Variants in PCDH15 observed in about 807,000 individuals in gnomAD.
PCDH15 encodes protocadherin related 15.
Under a neutral mutation model 178.5 loss-of-function variants are expected in PCDH15, and 129 were observed. The observed-to-expected ratio is 0.72, with a 90% CI of 0.63 to 0.84. The LOEUF (loss-of-function observed/expected upper bound fraction) is 0.84. Ranked by LOEUF, PCDH15 falls within the 40% of genes least tolerant of loss-of-function variation. The pLI, the probability that PCDH15 is intolerant of heterozygous loss-of-function variation, is 0.00. For missense variants in PCDH15, 2,230 were observed against 2,099.9 expected (o/e 1.06, Z -1.21); for synonymous variants, 800 against 732.0 (o/e 1.09, Z -1.50).
chr10:54,358,631 T>C (rs1945454043), intron 5 of PCDH15, among the ~76,000 whole-genome samples: 1 of 151,906 alleles, frequency 6.6e-6, no homozygotes, highest in African/African-American at 2.4e-5. Flanking sequence ...GAACTAGAAA[T>C]ACCATTTGAC....
At chr10:53,826,769 C>T (rs910267275) in intron 32 of PCDH15, among the ~76,000 whole-genome samples, 1 of 151,992 alleles carries the variant, frequency 6.6e-6, no homozygotes, top group Non-Finnish European at 1.5e-5. Flanking sequence ...GAGAAATATT[C>T]GGTAATCACC....
intron 2 of PCDH15, among the ~76,000 whole-genome samples, chr10:55,369,010 CAAAAAAAA>C (rs60906060): frequency 3.5e-5 from 3 of 86,184 alleles, no homozygotes; most frequent in African/African-American, 8.8e-5. Flanking sequence ...TTTTTGGGAC[CAAAAAAAA>C]AAAAAAAAAA....
chr10:55,524,170 T>C (rs898521008), intron 2 of PCDH15, among the ~76,000 whole-genome samples: 1 of 151,566 alleles, frequency 6.6e-6, no homozygotes, highest in Non-Finnish European at 1.5e-5. Context: ...CCTCACCAAA[T>C]ATTTAGTACT....
chr10:54,396,756 A>G (rs1951284180), intron 3 of PCDH15, among the ~76,000 whole-genome samples: 1 of 152,280 alleles, frequency 6.6e-6, no homozygotes, highest in East Asian at 1.9e-4. Context: ...ACACAGACAT[A>G]TCCTTCTAAA....
intron 2 of PCDH15, among the ~76,000 whole-genome samples, chr10:55,001,352 C>T (rs1199145621): frequency 6.6e-6 from 1 of 151,932 alleles, no homozygotes; most frequent in Non-Finnish European, 1.5e-5. Flanking sequence ...GTAACACAAA[C>T]AGGGCTAAAA....
chr10:53,806,780 G>A lies in PCDH15; in HGVS notation c.5022C>T (p.Ala1674=), dbSNP rs377244811. 1.0e-4 allele frequency: 168 copies of A among 1,613,674 alleles called. No individual in the cohort carries two copies. The African/African-American group carries it at 2.0e-3, about 19-fold the overall frequency. The change falls in exon 38 of 38, where the codon GCC becomes GCT. Residue 1674 remains alanine, a synonymous_variant. Coordinates refer to ENST00000644397, the MANE Select transcript of PCDH15 (RefSeq NM_001384140.1). ...MNARPTLVTF[A]PCPVGTDNTA... is the part of the protein sequence containing the mutation. ...TATTGTCAGTCCCCACAGGGCAAGG[G>A]GCAAATGTAACCAGAGTTGGTCTTG...
intron 13 of PCDH15, among the ~76,000 whole-genome samples, chr10:54,156,821 T>C (rs112205432): frequency 0.029 from 4,349 of 152,264 alleles, 213 homozygotes; most frequent in African/African-American, 0.1. Context: ...ATACAGGCAT[T>C]GGGTAAATAC....
chr10:54,573,283 A>AT (rs1326166556), intron 2 of PCDH15, among the ~76,000 whole-genome samples: 1 of 151,952 alleles, frequency 6.6e-6, no homozygotes, highest in Non-Finnish European at 1.5e-5. Context: ...TTTCTCCTTT[A>AT]TTTTTCTTGA....
chr10:55,282,570 T>G (rs1374390564), intron 1 of PCDH15, among the ~76,000 whole-genome samples: 1 of 152,184 alleles, frequency 6.6e-6, no homozygotes, highest in African/African-American at 2.4e-5. Context: ...ACTTATTTGA[T>G]GAAGACTTTA....
chr10:54,145,013 G>A (rs577155656), intron 14 of PCDH15, among the ~76,000 whole-genome samples: 4 of 152,096 alleles, frequency 2.6e-5, no homozygotes, highest in Non-Finnish European at 5.9e-5. Flanking sequence ...TTACCTTACA[G>A]GAAGCCATAA....
chr10:53,808,808 CGCTACTACT>C (rs772159860), intron 37 of PCDH15: 2 of 1,611,664 alleles, frequency 1.2e-6, no homozygotes, highest in Non-Finnish European at 1.7e-6. Context: ...GACTGACTTT[CGCTACTACT>C]GCTACTACTA....
chr10:55,398,098 C>G (rs1432601469), intron 2 of PCDH15, among the ~76,000 whole-genome samples: 1 of 151,578 alleles, frequency 6.6e-6, no homozygotes, highest in Admixed American at 6.6e-5. Flanking sequence ...TGTCATAGTC[C>G]TCTTATTTAT....
intron 2 of PCDH15, among the ~76,000 whole-genome samples, chr10:55,539,484 T>C (rs996954054): frequency 3.9e-5 from 6 of 152,206 alleles, no homozygotes; most frequent in African/African-American, 7.2e-5. Context: ...AAACCATCTT[T>C]AGGCAGTACT....
chr10:54,687,062 C>T (rs759655690), intron 1 of PCDH15, among the ~76,000 whole-genome samples: 1 of 151,954 alleles, frequency 6.6e-6, no homozygotes. Context: ...GAATGCAAAT[C>T]AAAGTCAACA....
chr10:54,700,664 G>T (rs887916657), intron 1 of PCDH15, among the ~76,000 whole-genome samples: 2 of 151,918 alleles, frequency 1.3e-5, no homozygotes, highest in African/African-American at 4.8e-5. Context: ...CAAAAATAAA[G>T]AAAAAAGAAT....
intron 1 of PCDH15, among the ~76,000 whole-genome samples, chr10:55,185,575 A>C (rs1839775279): frequency 6.6e-6 from 1 of 151,746 alleles, no homozygotes; most frequent in Non-Finnish European, 1.5e-5. Context: ...GCAAGTTAAA[A>C]ATAAAAAGTC....
intron 5 of PCDH15, among the ~76,000 whole-genome samples, chr10:54,354,080 G>A (rs9416313): frequency 0.11 from 17,458 of 152,130 alleles, 1,775 homozygotes; most frequent in African/African-American, 0.28. Flanking sequence ...CCACCTCCTG[G>A]GTTCAAGCAA....
At chr10:55,279,922 G>C (rs998555883) in intron 1 of PCDH15, among the ~76,000 whole-genome samples, 1 of 152,080 alleles carries the variant, frequency 6.6e-6, no homozygotes, top group Admixed American at 6.5e-5. Context: ...GTGAGAGATG[G>C]CATTTTTTAA....
At chr10:54,442,440 A>G (rs1375378503) in intron 3 of PCDH15, among the ~76,000 whole-genome samples, 13 of 120,486 alleles carry the variant, frequency 1.1e-4, no homozygotes, top group Non-Finnish European at 5.1e-5. Context: ...ATATATATAT[A>G]TATATATATA....
Sources: gnomAD v4.1 joint callset for allele counts (sites outside exome capture counted in the v4.1 genomes callset) on GRCh38, gnomAD v4.1.1 for gene constraint, MANE v1.5 for transcripts, NCBI Gene and HGNC (gene_info 2026-07-23, HGNC 2026-07-21) for gene names.